Variants in MTTP observed in about 807,000 individuals in gnomAD.
The protein encoded by MTTP is microsomal triglyceride transfer protein large subunit.
Under a neutral mutation model 90.6 loss-of-function variants are expected in MTTP, and 49 were observed. That is an observed-to-expected ratio of 0.54 (90% confidence interval 0.43 to 0.69). The LOEUF (loss-of-function observed/expected upper bound fraction) is 0.69. Among genes scored for constraint, MTTP ranks in the 30% least tolerant of loss-of-function variants. The probability of loss-of-function intolerance (pLI) is 0.00; values close to 1 mark genes in which losing one functional copy is unlikely to be tolerated. For synonymous variants in MTTP, 347 were observed against 384.2 expected (o/e 0.90, Z 1.13); for missense variants, 945 against 1,067.5 (o/e 0.89, Z 1.60).
At chr4:99,602,425 CAT>C (rs1201037336) in intron 10 of MTTP, among the ~76,000 whole-genome samples, 1 of 152,060 alleles carries the variant, frequency 6.6e-6, no homozygotes, top group Non-Finnish European at 1.5e-5. Context: ...TATATAACAA[CAT>C]AGTCTTTTTT....
intron 10 of MTTP, among the ~76,000 whole-genome samples, chr4:99,603,372 T>G (rs1016687444): frequency 6.6e-6 from 1 of 152,128 alleles, no homozygotes; most frequent in Non-Finnish European, 1.5e-5. Flanking sequence ...ATACTCAGAT[T>G]TTTTATTAAG....
Position 99,597,120 on chromosome 4 carries a change from C to G in MTTP, c.963C>G (p.Ser321=). 6.2e-7 allele frequency: 1 copy of G among 1,613,978 alleles called. No individual in the cohort carries two copies. Among genetic ancestry groups the G allele is most frequent in the Non-Finnish European group, 8.5e-7 (1 of 1,179,910 alleles). ...TRKYLQPDNL[S]KAEAVRNFLA... ...AATACCTGCAGCCTGACAACCTTTCCAAGGCTGAGGCTGTCAGAAACTTCC... is the reference window on the plus strand; with the variant it reads ...AATACCTGCAGCCTGACAACCTTTCGAAGGCTGAGGCTGTCAGAAACTTCC... Residue 321 remains serine (S), a synonymous_variant, in exon 8 of 18, where the codon TCC becomes TCG. Coordinates refer to ENST00000265517, the MANE Select transcript of MTTP (RefSeq NM_001386140.1).
intron 14 of MTTP, among the ~76,000 whole-genome samples, chr4:99,612,521 C>T (rs1379484415): frequency 2.0e-5 from 3 of 152,056 alleles, no homozygotes; most frequent in East Asian, 1.9e-4. Flanking sequence ...ACAGCTGATG[C>T]GTTGTATATG....
chr4:99,620,816 C>T (rs1726210725), intron 16 of MTTP: 1 of 538,560 alleles, frequency 1.9e-6, no homozygotes, highest in Non-Finnish European at 3.3e-6. Flanking sequence ...ACACTCCCCA[C>T]ATCTGCAACT....
At chr4:99,609,136 C>T (rs1057491184) in intron 12 of MTTP, among the ~76,000 whole-genome samples, 159 bp downstream of exon 12, 6 of 152,092 alleles carry the variant, frequency 3.9e-5, no homozygotes, top group African/African-American at 1.4e-4. Flanking sequence ...TTTAGGGGGC[C>T]AGATGAAACA....
At chr4:99,583,320 G>T in intron 2 of MTTP, 54 bp from the exon 3 acceptor site, 2 of 1,577,708 alleles carry the variant, frequency 1.3e-6, no homozygotes, top group South Asian at 1.1e-5. Context: ...GAGATACTCT[G>T]ATGAAGACAG....
chr4:99,598,014 CACA>C (rs1725600053), intron 8 of MTTP, among the ~76,000 whole-genome samples: 1 of 152,188 alleles, frequency 6.6e-6, no homozygotes, highest in South Asian at 2.1e-4. Flanking sequence ...CACACACACA[CACA>C]GCAGTAGCAG....
upstream of MTTP, chr4:99,574,677 A>C: frequency 2.2e-6 from 2 of 921,632 alleles, no homozygotes; most frequent in Non-Finnish European, 1.6e-6. Flanking sequence ...AAAAAAATTA[A>C]AAAGAGTGAG....
chr4:99,591,423 A>G (rs1250635168), intron 5 of MTTP, 72 bp downstream of exon 5: 2 of 1,271,202 alleles, frequency 1.6e-6, no homozygotes, highest in African/African-American at 3.0e-5. Context: ...AATGTAATAG[A>G]AAAATAAAGT....
intron 1 of MTTP, among the ~76,000 whole-genome samples, chr4:99,567,760 A>G: frequency 6.6e-6 from 1 of 152,242 alleles, no homozygotes; most frequent in Admixed American, 6.5e-5. Context: ...GTGGGAGAGT[A>G]GAGAGGAGAC....
At position 99,564,949 on chromosome 4, in the gene MTTP, T is replaced by A. The variant is rs115227810; in HGVS notation, c.-102+712T>A. On this transcript the variant is annotated intron_variant, in intron 1 of 18. Transcript: ENST00000457717. ...CCCTTAAATTTTACTTGAAACACTGTATCAGCTATAACACTGTTGTGAGTC... is the reference window on the plus strand; with the variant it reads ...CCCTTAAATTTTACTTGAAACACTGAATCAGCTATAACACTGTTGTGAGTC... 3.7e-3 allele frequency among the ~76,000 whole-genome samples: 570 copies of A among 152,360 alleles called. 5 individuals are homozygous for A. The highest frequency in any genetic ancestry group is 0.013 in the African/African-American group (537 of 41,582).
intron 15 of MTTP, among the ~76,000 whole-genome samples, chr4:99,618,435 C>T (rs1425425771): frequency 2.6e-5 from 4 of 152,168 alleles, no homozygotes; most frequent in Non-Finnish European, 4.4e-5. Flanking sequence ...TGATCCAAAC[C>T]TCCTCCCCTT....
At chr4:99,565,767 C>T (rs1160003259) in intron 1 of MTTP, among the ~76,000 whole-genome samples, 1 of 152,094 alleles carries the variant, frequency 6.6e-6, no homozygotes, top group Non-Finnish European at 1.5e-5. Flanking sequence ...TTTGTTTCAT[C>T]TTGGAAAGTA....
chr4:99,617,504 G>A (rs1726125616), intron 15 of MTTP, among the ~76,000 whole-genome samples: 1 of 152,118 alleles, frequency 6.6e-6, no homozygotes, highest in Admixed American at 6.5e-5. Flanking sequence ...GCTGGCAAAT[G>A]CATGGCTTGT....
rs562221537 is a variant in MTTP at position 99,583,493 on chromosome 4, G to A, written c.369G>A (p.Thr123=). The A allele has an allele frequency of 1.3e-4, 202 of 1,613,542 alleles. No individual in the cohort carries two copies. The highest frequency in any genetic ancestry group is 1.6e-4 in the Non-Finnish European group (188 of 1,179,798). ...KENLEALQRP[T]LLHLIHGKVK... ...ACTTGGAAGCTCTGCAAAGACCTAC[G>A]CTCCTTCATCTAATCCATGGAAAGG... is the stretch of plus-strand genomic sequence containing the variant. The change falls in exon 3 of 18, where the codon ACG becomes ACA. Residue 123 remains threonine (T), a synonymous_variant. Transcript: ENST00000265517.
At chr4:99,594,623 A>G (rs1401269617) in intron 6 of MTTP, 110 bp from the exon 7 acceptor site, 23 of 1,256,864 alleles carry the variant, frequency 1.8e-5, no homozygotes, top group Non-Finnish European at 8.1e-6. Flanking sequence ...AGACATGGCT[A>G]TATACAACTT....
At chr4:99,585,686 A>G (rs1196255433) in intron 3 of MTTP, among the ~76,000 whole-genome samples, 3 of 152,114 alleles carry the variant, frequency 2.0e-5, no homozygotes, top group Admixed American at 6.6e-5. Context: ...TCTGCTACAC[A>G]CATGAAAGGA....
intron 3 of MTTP, among the ~76,000 whole-genome samples, chr4:99,588,698 C>CACACATATATATATATGTTCATATATAT (rs1381324218): frequency 1.0e-4 from 12 of 115,408 alleles, no homozygotes; most frequent in East Asian, 3.5e-4. Flanking sequence ...TATATATATA[C>CACACATATATATATATGTTCATATATAT]ACACATATAT....
intron 15 of MTTP, among the ~76,000 whole-genome samples, chr4:99,613,793 C>T (rs531286763): frequency 6.6e-6 from 1 of 152,254 alleles, no homozygotes; most frequent in Non-Finnish European, 1.5e-5. Context: ...AATGACAATA[C>T]TATCTTTGAT....
Sources: allele counts gnomAD v4.1 joint callset (sites outside exome capture counted in the v4.1 genomes callset), GRCh38; gene constraint gnomAD v4.1.1; transcripts MANE v1.5; gene names NCBI Gene and HGNC (gene_info 2026-07-23, HGNC 2026-07-21).